Variants in PKP4 observed in about 807,000 individuals in gnomAD.
The protein encoded by PKP4 is plakophilin 4.
PKP4 carries 90 observed loss-of-function variants against 145.1 expected under a neutral mutation model. That is an observed-to-expected ratio of 0.62 (90% CI 0.52 to 0.74). The LOEUF is 0.74. PKP4 is among the 30% of genes least tolerant of loss of function. The pLI, the probability that PKP4 is intolerant of heterozygous loss-of-function variation, is 0.00. For synonymous variants in PKP4, 563 were observed against 577.2 expected (o/e 0.98, Z 0.35); for missense variants, 1,340 against 1,482.7 (o/e 0.90, Z 1.58).
intron 2 of PKP4, among the ~76,000 whole-genome samples, chr2:158,542,631 C>A (rs916078190): frequency 6.6e-6 from 1 of 152,108 alleles, no homozygotes; most frequent in African/African-American, 2.4e-5. Context: ...GAGTGCTCTT[C>A]TTACTTTAAA....
At chr2:158,637,402 C>T (rs2053895677) in intron 9 of PKP4, among the ~76,000 whole-genome samples, 1 of 152,128 alleles carries the variant, frequency 6.6e-6, no homozygotes, top group African/African-American at 2.4e-5. Flanking sequence ...ATGTGCCCTA[C>T]AGCTCAGGGT....
chr2:158,677,601 A>AAAAT (rs1252684608), intron 20 of PKP4, among the ~76,000 whole-genome samples: 6 of 152,238 alleles, frequency 3.9e-5, no homozygotes, highest in Non-Finnish European at 5.9e-5. Flanking sequence ...CTGTCTATTA[A>AAAAT]AAATAAATAA....
At chr2:158,593,778 T>C (rs1350440069) in intron 3 of PKP4, among the ~76,000 whole-genome samples, 1 of 152,250 alleles carries the variant, frequency 6.6e-6, no homozygotes, top group East Asian at 1.9e-4. Flanking sequence ...TCCAAAAATA[T>C]ACAGTAGAGT....
At chr2:158,576,224 A>G (rs1413267025) in intron 2 of PKP4, among the ~76,000 whole-genome samples, 1 of 152,240 alleles carries the variant, frequency 6.6e-6, no homozygotes, top group African/African-American at 2.4e-5. Context: ...ATACTTTTCA[A>G]TTAAAATTTT....
At chr2:158,515,760 G>A (rs1401523167) in intron 1 of PKP4, among the ~76,000 whole-genome samples, 1 of 152,022 alleles carries the variant, frequency 6.6e-6, no homozygotes, top group Non-Finnish European at 1.5e-5. Flanking sequence ...AAAAAAATGG[G>A]GGTTGGCTGA....
chr2:158,602,767 C>A (rs768683144), intron 3 of PKP4, among the ~76,000 whole-genome samples: 1 of 151,982 alleles, frequency 6.6e-6, no homozygotes, highest in African/African-American at 2.4e-5. Context: ...CATATTATCA[C>A]GAAAAAACTG....
At position 158,640,682 on chromosome 2, in the gene PKP4, C is replaced by G. The variant is rs1324922009; in HGVS notation, c.1618C>G (p.Gln540Glu). 3 of 1,614,028 alleles carry G rather than the reference C, an allele frequency of 1.9e-6. No individual in the cohort carries two copies. The highest frequency in any genetic ancestry group is 2.5e-6 in the Non-Finnish European group (3 of 1,179,958). Residue 540 changes from glutamine to glutamate, a missense_variant, in exon 10 of 22, where the codon CAG becomes GAG. Coordinates refer to ENST00000389759, the MANE Select transcript of PKP4 (RefSeq NM_003628.6). ...LPEVIHMLQH[Q>E]FPSVQANAAA... ...TGAGGTCATTCACATGCTTCAGCACCAGTTCCCATCTGTTCAGGCAAATGC... is the reference window on the plus strand; with the variant it reads ...TGAGGTCATTCACATGCTTCAGCACGAGTTCCCATCTGTTCAGGCAAATGC...
intron 9 of PKP4, among the ~76,000 whole-genome samples, chr2:158,638,623 A>G (rs1018132232): frequency 6.6e-6 from 1 of 152,214 alleles, no homozygotes; most frequent in African/African-American, 2.4e-5. Flanking sequence ...TGCTGTATAA[A>G]GAATGGATTG....
At chr2:158,605,270 A>C (rs923018678) in intron 4 of PKP4, among the ~76,000 whole-genome samples, 1 of 152,176 alleles carries the variant, frequency 6.6e-6, no homozygotes, top group Non-Finnish European at 1.5e-5. Context: ...AGCTCTTGCA[A>C]AGTGTCTCTT....
chr2:158,497,595 C>G (rs1243306958), intron 1 of PKP4, among the ~76,000 whole-genome samples: 1 of 152,196 alleles, frequency 6.6e-6, no homozygotes, highest in East Asian at 1.9e-4. Flanking sequence ...CAGGTAGACC[C>G]AGGCTTGAAT....
intron 2 of PKP4, among the ~76,000 whole-genome samples, chr2:158,574,216 T>G (rs1372561855): frequency 1.3e-5 from 2 of 152,242 alleles, no homozygotes; most frequent in African/African-American, 2.4e-5. Flanking sequence ...TGGTATTGTT[T>G]GCTAGGCTCT....
chr2:158,500,295 C>T (rs952566976), intron 1 of PKP4, among the ~76,000 whole-genome samples: 5 of 152,090 alleles, frequency 3.3e-5, no homozygotes, highest in Admixed American at 3.3e-4. Context: ...TGATAACTGC[C>T]GGTAATGACA....
At chr2:158,631,134 G>T (rs1276044284) in intron 7 of PKP4, among the ~76,000 whole-genome samples, 1 of 152,020 alleles carries the variant, frequency 6.6e-6, no homozygotes, top group Non-Finnish European at 1.5e-5. Flanking sequence ...TAGAGACGGG[G>T]TTTCACCGTG....
At chr2:158,518,002 G>A (rs972593493) in intron 1 of PKP4, among the ~76,000 whole-genome samples, 2 of 152,020 alleles carry the variant, frequency 1.3e-5, no homozygotes, top group African/African-American at 4.8e-5. Flanking sequence ...CTGTATCCCC[G>A]TCATCTATCT....
rs964573309 is a variant in PKP4, at chr2:158,534,041, A to G, written c.132+725A>G. Among the ~76,000 whole-genome samples the G allele has an allele frequency of 1.2e-4, 18 of 152,212 alleles. 1 individual carries two copies. Among genetic ancestry groups the G allele is most frequent in the Admixed American group, 9.2e-4 (14 of 15,290 alleles). On this transcript the variant is annotated intron_variant, in intron 2 of 21. Coordinates refer to ENST00000389759, the MANE Select transcript of PKP4 (RefSeq NM_003628.6). ...TTTTTTTTCCCTGCTTCTTCTCTCC[A>G]AAACAACATTATGTGTCCCCTGTGA...
At chr2:158,671,790 T>C (rs752939185) in intron 17 of PKP4, among the ~76,000 whole-genome samples, 3 of 152,136 alleles carry the variant, frequency 2.0e-5, no homozygotes, top group Middle Eastern at 3.2e-3. Flanking sequence ...TGGGTGGTGC[T>C]GAGGGGCAGG....
chr2:158,533,598 C>T, intron 2 of PKP4: 1 of 491,072 alleles, frequency 2.0e-6, no homozygotes, highest in Non-Finnish European at 4.0e-6. Context: ...TGTGTGCATG[C>T]ACGCAAAGCT....
intron 1 of PKP4, among the ~76,000 whole-genome samples, chr2:158,494,493 A>G (rs1695395732): frequency 1.3e-5 from 2 of 152,206 alleles, no homozygotes; most frequent in Admixed American, 6.5e-5. Context: ...ATTAAGGATG[A>G]TTTGTTTTGT....
At chr2:158,516,827 A>G (rs1311552460) in intron 1 of PKP4, among the ~76,000 whole-genome samples, 1 of 151,516 alleles carries the variant, frequency 6.6e-6, no homozygotes, top group Non-Finnish European at 1.5e-5. Flanking sequence ...ATGCCTGGCT[A>G]ATTTTTTGTA....
Sources: allele counts gnomAD v4.1 joint callset (sites outside exome capture counted in the v4.1 genomes callset), GRCh38; gene constraint gnomAD v4.1.1; transcripts MANE v1.5; gene names NCBI Gene and HGNC (gene_info 2026-07-23, HGNC 2026-07-21).